CSMD1: variants seen among roughly 807,000 people sequenced by gnomAD.
CSMD1 encodes CUB and Sushi multiple domains 1, also known as CUB and sushi domain-containing protein 1.
In CSMD1, 213 loss-of-function variants were observed where a neutral mutation model predicts 417.5. The observed-to-expected ratio is 0.51, with a 90% CI of 0.46 to 0.57. CSMD1 has a LOEUF of 0.57. Among genes scored for constraint, CSMD1 ranks in the 20% least tolerant of loss-of-function variants. CSMD1 has a pLI of 0.00. For missense variants in CSMD1, 6,923 were observed against 4,529.7 expected (o/e 1.53, Z -15.17); for synonymous variants, 2,862 against 1,736.8 (o/e 1.65, Z -16.11).
Position 3,369,300 on chromosome 8 carries a change from T to C in CSMD1, c.2853A>G (p.Pro951=). The change falls in exon 19 of 70, where the codon CCA becomes CCG. Residue 951 remains proline, a synonymous_variant. Transcript: ENST00000635120. ...TGGTCCACGTGCAGTTTAGAGAGTTTGGATAAAAATCTGGAAACCCAGGAG... is the reference window on the plus strand; with the variant it reads ...TGGTCCACGTGCAGTTTAGAGAGTTCGGATAAAAATCTGGAAACCCAGGAG... ...VLSPGFPDFY[P]NSLNCTWTIE... is the part of the protein sequence containing the mutation. 6.2e-7 allele frequency: 1 copy of C among 1,607,824 alleles called. No individual in the cohort carries two copies. Among genetic ancestry groups the C allele is most frequent in the Admixed American group, 1.7e-5 (1 of 59,962 alleles).
chr8:3,098,784 G>A (rs550263592), intron 46 of CSMD1, among the ~76,000 whole-genome samples: 4 of 152,176 alleles, frequency 2.6e-5, no homozygotes, highest in Admixed American at 6.5e-5. Context: ...CCACAGACCC[G>A]CCTTGACTTT....
chr8:4,472,421 G>A (rs1343465285), intron 2 of CSMD1, among the ~76,000 whole-genome samples: 2 of 151,870 alleles, frequency 1.3e-5, no homozygotes, highest in African/African-American at 2.4e-5. Flanking sequence ...TTATTTTAAA[G>A]GTATATGTCA....
rs543333190 is a variant in CSMD1 at position 3,821,582 on chromosome 8, G to C, written c.819-67540C>G. ...CGGATCACTGAGGTCAAGAGTACGA[G>C]ACCAGCCTGGCCAACACAGTGAAAC... On this transcript the variant is annotated intron_variant, in intron 5 of 69. Coordinates refer to ENST00000635120, the MANE Select transcript of CSMD1 (RefSeq NM_033225.6). Among the ~76,000 whole-genome samples the C allele has an allele frequency of 5.0e-4, 76 of 152,204 alleles. 3 individuals carry two copies. Among genetic ancestry groups the C allele is most frequent in the Non-Finnish European group, 1.0e-4 (7 of 68,014 alleles).
chr8:3,318,378 A>G (rs1445024072), intron 23 of CSMD1, among the ~76,000 whole-genome samples: 1 of 152,184 alleles, frequency 6.6e-6, no homozygotes, highest in Non-Finnish European at 1.5e-5. Context: ...CATTAATGCA[A>G]TCACTTAGCA....
At chr8:3,465,684 G>A (rs1210455647) in intron 12 of CSMD1, among the ~76,000 whole-genome samples, 1 of 152,216 alleles carries the variant, frequency 6.6e-6, no homozygotes, top group Non-Finnish European at 1.5e-5. Context: ...GGTTGGAGTA[G>A]GTAGGTCAGT....
At chr8:3,808,309 G>T (rs191387022) in intron 5 of CSMD1, among the ~76,000 whole-genome samples, 1 of 152,056 alleles carries the variant, frequency 6.6e-6, no homozygotes, top group Non-Finnish European at 1.5e-5. Flanking sequence ...TATATTAATG[G>T]GAGCCTCTCT....
chr8:4,505,806 ATT>A (rs770475982), intron 2 of CSMD1, among the ~76,000 whole-genome samples: 3 of 145,032 alleles, frequency 2.1e-5, no homozygotes, highest in South Asian at 4.4e-4. Flanking sequence ...CATGTTCAAT[ATT>A]TTTTTTTTTT....
chr8:3,598,886 G>C (rs985521639), intron 8 of CSMD1, among the ~76,000 whole-genome samples: 1 of 152,098 alleles, frequency 6.6e-6, no homozygotes, highest in African/African-American at 2.4e-5. Flanking sequence ...TTTGAGACCA[G>C]TCTGACCAAC....
At chr8:4,086,813 A>C (rs754335576) in intron 3 of CSMD1, among the ~76,000 whole-genome samples, 5 of 152,202 alleles carry the variant, frequency 3.3e-5, no homozygotes, top group Non-Finnish European at 7.3e-5. Context: ...TCTTAGTCTG[A>C]GATGAAAACT....
At chr8:3,629,446 C>T (rs1796664831) in intron 7 of CSMD1, among the ~76,000 whole-genome samples, 2 of 152,062 alleles carry the variant, frequency 1.3e-5, no homozygotes, top group Non-Finnish European at 2.9e-5. Flanking sequence ...ATCAACCATA[C>T]AATATTATTG....
At chr8:3,650,051 G>A (rs1050677951) in intron 7 of CSMD1, among the ~76,000 whole-genome samples, 20 of 152,258 alleles carry the variant, frequency 1.3e-4, no homozygotes, top group African/African-American at 4.1e-4. Context: ...AGCCAAGGCG[G>A]GCAGACCACT....
At chr8:3,253,069 A>T (rs1451002732) in intron 26 of CSMD1, among the ~76,000 whole-genome samples, 1 of 151,780 alleles carries the variant, frequency 6.6e-6, no homozygotes, top group African/African-American at 2.4e-5. Context: ...TCCTTCTGCT[A>T]GCTTTTGAGT....
chr8:4,498,968 A>C (rs1802115765), intron 2 of CSMD1, among the ~76,000 whole-genome samples: 1 of 152,210 alleles, frequency 6.6e-6, no homozygotes, highest in Non-Finnish European at 1.5e-5. Context: ...TGTAAAGCTA[A>C]ATTCCTTAGA....
intron 2 of CSMD1, among the ~76,000 whole-genome samples, chr8:4,444,376 A>AAAAG (rs1798659965): frequency 1.4e-5 from 2 of 142,354 alleles, no homozygotes; most frequent in Non-Finnish European, 3.0e-5. Context: ...AAAAAAAAAA[A>AAAAG]GCAGAGGTTC....
chr8:3,162,016 C>G, intron 38 of CSMD1, 143 bp downstream of exon 38: 1 of 588,728 alleles, frequency 1.7e-6, no homozygotes. Flanking sequence ...CGAAGATGAC[C>G]AACATGCATG....
intron 2 of CSMD1, among the ~76,000 whole-genome samples, chr8:4,442,878 G>C (rs1017454960): frequency 6.6e-6 from 1 of 152,064 alleles, no homozygotes; most frequent in Admixed American, 6.6e-5. Context: ...TAATGAGATT[G>C]CTTGTTTACA....
At chr8:4,902,778 C>A (rs1366184768) in intron 1 of CSMD1, among the ~76,000 whole-genome samples, 2 of 151,980 alleles carry the variant, frequency 1.3e-5, no homozygotes, top group African/African-American at 2.4e-5. Context: ...TCTGCCCAGG[C>A]AGTAAACACA....
intron 23 of CSMD1, among the ~76,000 whole-genome samples, chr8:3,308,802 C>T (rs1009105841): frequency 2.1e-5 from 3 of 142,304 alleles, no homozygotes; most frequent in Middle Eastern, 4.0e-3. Context: ...TGCCTCACTG[C>T]AACCTCCACC....
intron 2 of CSMD1, among the ~76,000 whole-genome samples, chr8:4,593,469 G>A (rs772889800): frequency 6.6e-6 from 1 of 152,108 alleles, no homozygotes; most frequent in African/African-American, 2.4e-5. Flanking sequence ...TTTAGTGAAA[G>A]TGAAACATAA....
Sources: gnomAD v4.1 joint callset for allele counts (sites outside exome capture counted in the v4.1 genomes callset) on GRCh38, gnomAD v4.1.1 for gene constraint, MANE v1.5 for transcripts, NCBI Gene and HGNC (gene_info 2026-07-23, HGNC 2026-07-21) for gene names.